CNBD1: variants seen among roughly 807,000 people sequenced by gnomAD.
CNBD1 encodes cyclic nucleotide binding domain containing 1.
CNBD1 carries 71 observed loss-of-function variants against 54.4 expected under a neutral mutation model. That is an observed-to-expected ratio of 1.30 (90% confidence interval 1.08 to 1.59). The LOEUF (loss-of-function observed/expected upper bound fraction) is 1.59, where lower values mean the gene tolerates loss of function less well. Among genes scored for constraint, CNBD1 ranks in the 40% most tolerant of loss-of-function variants. CNBD1 has a pLI of 0.00. For missense variants in CNBD1, 659 were observed against 518.0 expected (o/e 1.27, Z -2.64); for synonymous variants, 182 against 170.7 (o/e 1.07, Z -0.51).
intron 4 of CNBD1, among the ~76,000 whole-genome samples, chr8:87,050,744 T>G (rs1810294525): frequency 6.6e-6 from 1 of 152,198 alleles, no homozygotes; most frequent in African/African-American, 2.4e-5. Flanking sequence ...ACAGCCTCAT[T>G]AATGAGATGT....
chr8:87,042,750 ATAAT>A (rs1810098863), intron 4 of CNBD1, among the ~76,000 whole-genome samples: 1 of 152,118 alleles, frequency 6.6e-6, no homozygotes, highest in Non-Finnish European at 1.5e-5. Flanking sequence ...TGTGTTATAA[ATAAT>A]TATACAATAA....
intron 2 of CNBD1, among the ~76,000 whole-genome samples, chr8:87,412,806 G>C (rs1467363316): frequency 6.7e-6 from 1 of 150,338 alleles, no homozygotes; most frequent in African/African-American, 2.5e-5. Context: ...GAGGAGAAAA[G>C]AGGGAGGTAG....
chr8:86,923,682 C>T (rs1395595077), intron 3 of CNBD1, among the ~76,000 whole-genome samples: 1 of 152,134 alleles, frequency 6.6e-6, no homozygotes, highest in Non-Finnish European at 1.5e-5. Context: ...TTCAGGATAT[C>T]CTCAGTATTT....
intron 1 of CNBD1, among the ~76,000 whole-genome samples, chr8:86,870,695 A>G (rs1378852364): frequency 6.6e-6 from 1 of 152,210 alleles, no homozygotes; most frequent in Non-Finnish European, 1.5e-5. Flanking sequence ...GTACCATTTA[A>G]AAGTTTTAAA....
At chr8:87,329,335 G>A (rs1313535828) in intron 8 of CNBD1, among the ~76,000 whole-genome samples, 1 of 152,078 alleles carries the variant, frequency 6.6e-6, no homozygotes, top group East Asian at 1.9e-4. Flanking sequence ...AAAGTTGGCT[G>A]TGTCAGTCTT....
intron 4 of CNBD1, among the ~76,000 whole-genome samples, chr8:87,075,657 C>G (rs1288243274): frequency 6.6e-6 from 1 of 152,152 alleles, no homozygotes; most frequent in Non-Finnish European, 1.5e-5. Context: ...GGCCATAGCA[C>G]CTGATTAAAG....
At chr8:87,081,927 G>T (rs938050280) in intron 4 of CNBD1, among the ~76,000 whole-genome samples, 1 of 152,160 alleles carries the variant, frequency 6.6e-6, no homozygotes, top group South Asian at 2.1e-4. Context: ...AGGATTAATT[G>T]TAGTTTGTTT....
At chr8:86,938,293 AC>A (rs1809587374) in intron 3 of CNBD1, among the ~76,000 whole-genome samples, 1 of 152,210 alleles carries the variant, frequency 6.6e-6, no homozygotes, top group Non-Finnish European at 1.5e-5. Flanking sequence ...CTAGGAAGTT[AC>A]AAAATTTCCC....
chr8:87,191,408 C>T (rs948922382), intron 4 of CNBD1, among the ~76,000 whole-genome samples: 2 of 151,302 alleles, frequency 1.3e-5, no homozygotes, highest in African/African-American at 4.9e-5. Context: ...GGTGGGTCTT[C>T]CTCTCCCATT....
chr8:87,332,172 A>G (rs1305304202), intron 8 of CNBD1, among the ~76,000 whole-genome samples: 1 of 151,852 alleles, frequency 6.6e-6, no homozygotes, highest in Non-Finnish European at 1.5e-5. Flanking sequence ...ACATGGGGAA[A>G]CCCCGTCTCT....
intron 4 of CNBD1, among the ~76,000 whole-genome samples, chr8:86,979,495 G>A (rs1808423833): frequency 6.6e-6 from 1 of 151,498 alleles, no homozygotes; most frequent in Non-Finnish European, 1.5e-5. Context: ...ACAGGCTGAG[G>A]TGGGACTTTG....
intron 4 of CNBD1, among the ~76,000 whole-genome samples, chr8:87,108,070 C>A (rs1490360136): frequency 6.6e-6 from 1 of 152,018 alleles, no homozygotes; most frequent in Admixed American, 6.6e-5. Context: ...CAGAGGGATT[C>A]TCCTTCTCTC....
chr8:87,243,686 G>A (rs543701195), intron 6 of CNBD1, among the ~76,000 whole-genome samples: 5 of 151,814 alleles, frequency 3.3e-5, no homozygotes, highest in East Asian at 1.9e-4. Context: ...CAAAATGAAC[G>A]GCAACTAGAA....
chr8:87,381,471 A>C (rs944707531), intron 10 of CNBD1, among the ~76,000 whole-genome samples: 8 of 152,006 alleles, frequency 5.3e-5, no homozygotes, highest in South Asian at 4.1e-4. Context: ...ACAGAATGGA[A>C]GTCCCTTAAA....
At chr8:87,211,446 G>A (rs977451782) in intron 5 of CNBD1, among the ~76,000 whole-genome samples, 4 of 151,902 alleles carry the variant, frequency 2.6e-5, no homozygotes, top group Non-Finnish European at 5.9e-5. Flanking sequence ...ATATAATTTG[G>A]ACATCCCCTC....
intron 4 of CNBD1, among the ~76,000 whole-genome samples, chr8:86,983,586 AG>A (rs1389592504): frequency 6.6e-6 from 1 of 152,204 alleles, no homozygotes; most frequent in Non-Finnish European, 1.5e-5. Flanking sequence ...TGGACAATAA[AG>A]TCCAGACTAA....
chr8:87,359,557 G>C (rs1810488481), intron 10 of CNBD1, among the ~76,000 whole-genome samples: 1 of 151,914 alleles, frequency 6.6e-6, no homozygotes, highest in Non-Finnish European at 1.5e-5. Context: ...AAAATTAATG[G>C]TTAATTTTGC....
chr8:87,365,317 C>G (rs1810621402), intron 10 of CNBD1, among the ~76,000 whole-genome samples: 1 of 151,710 alleles, frequency 6.6e-6, no homozygotes, highest in African/African-American at 2.4e-5. Context: ...AGTATCTGTT[C>G]ATGTCTTTTG....
intron 6 of CNBD1, among the ~76,000 whole-genome samples, chr8:87,278,023 C>T (rs1448896402): frequency 1.3e-5 from 2 of 151,402 alleles, no homozygotes; most frequent in East Asian, 1.9e-4. Flanking sequence ...AGCTTCATAA[C>T]TTAAAAATGT....
Sources: gnomAD v4.1 joint callset for allele counts (sites outside exome capture counted in the v4.1 genomes callset) on GRCh38, gnomAD v4.1.1 for gene constraint, MANE v1.5 for transcripts, NCBI Gene and HGNC (gene_info 2026-07-23, HGNC 2026-07-21) for gene names.